Variants in INSC observed in about 807,000 individuals in gnomAD.
INSC encodes protein inscuteable homolog.
INSC carries 67 observed loss-of-function variants against 58.6 expected under a neutral mutation model. That is an observed-to-expected ratio of 1.14 (90% CI 0.94 to 1.40). The LOEUF (loss-of-function observed/expected upper bound fraction) is 1.40. INSC is among the 40% of genes most tolerant of loss of function. The probability of loss-of-function intolerance (pLI) is 0.00; values close to 1 mark genes in which losing one functional copy is unlikely to be tolerated. For missense variants in INSC, 714 were observed against 692.0 expected (o/e 1.03, Z -0.36); for synonymous variants, 262 against 276.1 (o/e 0.95, Z 0.51).
chr11:15,244,863 G>A (rs572239039), intron 12 of INSC, among the ~76,000 whole-genome samples: 2 of 152,160 alleles, frequency 1.3e-5, no homozygotes, highest in South Asian at 4.1e-4. Context: ...GAAGAGGGAA[G>A]AAATTAATAT....
At position 15,235,669 on chromosome 11, in the gene INSC, GTA is replaced by G. The variant is rs1646367336; in HGVS notation, c.1237+3_1237+4del. 1 of 1,611,734 alleles carries G rather than the reference GTA, an allele frequency of 6.2e-7. No individual in the cohort carries two copies. Among genetic ancestry groups the G allele is most frequent in the Admixed American group, 1.7e-5 (1 of 60,016 alleles). ...GCCTCTGACATCATTCAGGAAAATG[GTA>G]TGTCTTTGCAGCATTGTACATGTTA... is the stretch of plus-strand genomic sequence containing the variant. On this transcript the variant is annotated splice_donor_variant and splice_donor_region_variant and intron_variant, in intron 10 of 12. Transcript: ENST00000379556. LOFTEE classifies it high-confidence loss of function.
intron 7 of INSC, among the ~76,000 whole-genome samples, chr11:15,204,246 CAG>C (rs1850709299): frequency 6.6e-6 from 1 of 152,210 alleles, no homozygotes. Flanking sequence ...AAGGGAGACT[CAG>C]AGACGCGAAG....
At chr11:15,171,140 C>T (rs1276290777) in intron 2 of INSC, among the ~76,000 whole-genome samples, 1 of 152,126 alleles carries the variant, frequency 6.6e-6, no homozygotes, top group East Asian at 1.9e-4. Context: ...CTACCTCTAC[C>T]ATGGCTGTGG....
At chr11:15,241,747 A>G (rs1372147274) in intron 12 of INSC, 2 of 613,000 alleles carry the variant, frequency 3.3e-6, no homozygotes, top group African/African-American at 1.8e-5. Flanking sequence ...ATAGAATTAA[A>G]ACCAAAGTGA....
chr11:15,190,743 A>G lies in INSC; in HGVS notation c.622A>G (p.Thr208Ala). ...KIDASDNIYT[T>A]ESTTGNLFSL... ...TGATGCCTCAGACAATATCTACACC[A>G]CAGAGTCCACCACAGGGAACCTGTT... The change falls in exon 6 of 13, where the codon ACA becomes GCA. Residue 208 changes from threonine (T) to alanine (A), a missense_variant. Physicochemically the swap from Thr to Ala is moderately conservative, Grantham distance 58. Transcript: ENST00000379556. 1.2e-6 allele frequency: 2 copies of G among 1,613,934 alleles called. No individual in the cohort carries two copies.
chr11:15,190,639 T>A, intron 5 of INSC, 62 bp from the exon 6 acceptor site: 1 of 1,152,622 alleles, frequency 8.7e-7, no homozygotes, highest in Admixed American at 1.7e-5. Context: ...GGTGTTCCAC[T>A]AAGATGAGCA....
At chr11:15,117,053 C>T (rs1355896267) in intron 1 of INSC, among the ~76,000 whole-genome samples, 1 of 150,670 alleles carries the variant, frequency 6.6e-6, no homozygotes, top group Non-Finnish European at 1.5e-5. Flanking sequence ...AGCGATTCTC[C>T]TGCCTCAGCC....
At chr11:15,114,854 G>C, upstream of INSC, 1 of 828,834 alleles carries the variant, frequency 1.2e-6, no homozygotes, top group Non-Finnish European at 1.5e-6. Context: ...AGGGCGGGCG[G>C]GGGAGAACGG....
At chr11:15,244,033 T>G (rs1398848692) in intron 12 of INSC, among the ~76,000 whole-genome samples, 2 of 152,162 alleles carry the variant, frequency 1.3e-5, no homozygotes, top group Non-Finnish European at 2.9e-5. Flanking sequence ...CCCTTTTCTG[T>G]CTTATTTGCT....
chr11:15,145,288 T>C (rs1848465566), intron 1 of INSC, among the ~76,000 whole-genome samples: 1 of 152,246 alleles, frequency 6.6e-6, no homozygotes, highest in Non-Finnish European at 1.5e-5. Flanking sequence ...CAAGGTTATG[T>C]ACTTATCAGG....
the INSC span, among the ~76,000 whole-genome samples, chr11:15,260,499 C>A: frequency 6.6e-6 from 1 of 152,084 alleles, no homozygotes; most frequent in Non-Finnish European, 1.5e-5. Flanking sequence ...TATTTAATAT[C>A]TCTGTACTTT....
intron 7 of INSC, among the ~76,000 whole-genome samples, chr11:15,211,917 C>T (rs1464469030): frequency 6.6e-6 from 1 of 151,768 alleles, no homozygotes; most frequent in Non-Finnish European, 1.5e-5. Flanking sequence ...CACGGGGCCC[C>T]TATAGTCTAA....
intron 1 of INSC, among the ~76,000 whole-genome samples, chr11:15,147,662 A>G (rs1286164285): frequency 6.6e-6 from 1 of 152,192 alleles, no homozygotes; most frequent in Non-Finnish European, 1.5e-5. Context: ...TTCCAGAAAC[A>G]CATGTGGTGT....
At chr11:15,113,143 T>TTTTTTCTTTCTTTCTTTCTTTCTCTCTC, upstream of INSC, among the ~76,000 whole-genome samples, 1 of 98,642 alleles carries the variant, frequency 1.0e-5, no homozygotes, top group Non-Finnish European at 2.3e-5. Flanking sequence ...CTTTCTTTCT[T>TTTTTTCTTTCTTTCTTTCTTTCTCTCTC]TCTGTCTCTC....
rs1465183744 is a variant in INSC, at chr11:15,240,535, G to C, written c.1470+12G>C. ...TTGTGGCCTGCCTGGTGAGTTCTCA[G>C]TCTTCCCCCAGCTTTTCCCCTGGCC... On this transcript the variant is annotated intron_variant, in intron 12 of 12. Transcript: ENST00000379556. 6.2e-7 allele frequency: 1 copy of C among 1,610,486 alleles called. No homozygotes were observed. The highest frequency in any genetic ancestry group is 2.2e-5 in the East Asian group (1 of 44,712).
At chr11:15,116,954 T>C (rs1847742487) in intron 1 of INSC, among the ~76,000 whole-genome samples, 2 of 135,482 alleles carry the variant, frequency 1.5e-5, no homozygotes, top group South Asian at 5.5e-4. Context: ...CTTCTTTCCT[T>C]CCTTCTTTGA....
chr11:15,178,370 T>C lies in INSC; in HGVS notation c.502T>C (p.Cys168Arg), dbSNP rs1459602898. ...GCATGTCCTGAAGTCAATGAAGGCCTGCGTGAGTGAGACCCTGAGCATGCT... is the reference window on the plus strand; with the variant it reads ...GCATGTCCTGAAGTCAATGAAGGCCCGCGTGAGTGAGACCCTGAGCATGCT... ...NEHVLKSMKA[C>R]VSETLSMLGQ... Residue 168 changes from cysteine to arginine, a missense_variant, in exon 5 of 13, where the codon TGC becomes CGC. Transcript: ENST00000379556. The C allele has an allele frequency of 1.9e-6, 3 of 1,613,794 alleles. No individual in the cohort carries two copies. Among genetic ancestry groups the C allele is most frequent in the Admixed American group, 3.3e-5 (2 of 59,990 alleles).
chr11:15,118,082 T>C lies in INSC; in HGVS notation c.-46+3079T>C, dbSNP rs1454760796. Among the ~76,000 whole-genome samples, 10 of 152,346 alleles carry C rather than the reference T, an allele frequency of 6.6e-5. No individual in the cohort carries two copies. The East Asian group carries it at 1.5e-3, about 24-fold the overall frequency. On this transcript the variant is annotated intron_variant, in intron 1 of 12. Coordinates refer to ENST00000379556, the MANE Select transcript of INSC (RefSeq NM_001042536.3). ...CCAACTCAGGGCTCTCTGTGTCTCT[T>C]GGATCTGAGCCCTCCCCCAGTATGG...
At chr11:15,161,025 T>A (rs1030406748) in intron 2 of INSC, among the ~76,000 whole-genome samples, 1 of 152,260 alleles carries the variant, frequency 6.6e-6, no homozygotes, top group Non-Finnish European at 1.5e-5. Flanking sequence ...CAGAAGGTAC[T>A]CAAGAGATAG....
Sources: gnomAD v4.1 joint callset for allele counts (sites outside exome capture counted in the v4.1 genomes callset) on GRCh38, gnomAD v4.1.1 for gene constraint, MANE v1.5 for transcripts, NCBI Gene and HGNC (gene_info 2026-07-23, HGNC 2026-07-21) for gene names.